Variants in RNF187 observed in about 807,000 individuals in gnomAD.
RNF187 encodes ring finger protein 187.
A neutral mutation model predicts 22.2 loss-of-function variants in RNF187; 18 were observed. The ratio of observed to expected loss-of-function variants is 0.81; its 90% CI spans 0.56 to 1.20. The LOEUF is 1.20. Among genes scored for constraint, RNF187 ranks in the 50% most tolerant of loss-of-function variants. The pLI is 0.00. For synonymous variants in RNF187, 164 were observed against 140.9 expected (o/e 1.16, Z -1.16); for missense variants, 329 against 317.6 (o/e 1.04, Z -0.27).
intron 2 of RNF187, among the ~76,000 whole-genome samples, chr1:228,489,757 G>A: frequency 1.2e-5 from 1 of 85,946 alleles, no homozygotes; most frequent in African/African-American, 5.2e-5. Context: ...GGTGGAAGAA[G>A]TGAGGGTGTC....
chr1:228,492,622 T>C, intron 2 of RNF187, among the ~76,000 whole-genome samples: 2 of 125,062 alleles, frequency 1.6e-5, no homozygotes, highest in Non-Finnish European at 3.2e-5. Context: ...GCCTGGCTTT[T>C]TTTTTTTTTT....
Position 228,494,960 on chromosome 1 carries a change from G to A in RNF187, c.*1075G>A. 1 of 985,568 alleles carries A rather than the reference G, an allele frequency of 1.0e-6. No homozygotes were observed. The highest frequency in any genetic ancestry group is 1.2e-6 in the Non-Finnish European group (1 of 830,020). The allele number at this position is 985,568 out of a possible 1,614,324, so 61.1% of individuals were successfully genotyped here. ...GCTGGCTCAATGCTGAATAAAGTGG[G>A]TTTGTGTCAGCTCGTTTGCTTCGTC... On this transcript the variant is annotated 3_prime_UTR_variant, in exon 4 of 4. Transcript: ENST00000305943.
rs370746984 is a variant in RNF187 at position 228,493,115 on chromosome 1, T to C, written c.546T>C (p.Phe182=). ...ACTACAAGAAGCTGCGGGCCTTCTT[T>C]GTGGAGGAGGAGGAGCATTTCCTGC... The change falls in exon 3 of 4, where the codon TTT becomes TTC. Residue 182 remains phenylalanine (F), a synonymous_variant. Coordinates refer to ENST00000305943, the MANE Select transcript of RNF187 (RefSeq NM_001010858.3). The surrounding 1 kb of genome is among the most constrained non-coding windows in gnomAD (Gnocchi z 4.7). 10 of 1,551,430 alleles carry C rather than the reference T, an allele frequency of 6.4e-6. No individual in the cohort carries two copies. The African/African-American group carries it at 6.8e-5, about 11-fold the overall frequency.
In RNF187 at chr1:228,495,770, T is replaced by G; in HGVS notation, c.*1885T>G. 1.0e-6 allele frequency: 1 copy of G among 976,338 alleles called. No individual in the cohort carries two copies. Among genetic ancestry groups the G allele is most frequent in the Non-Finnish European group, 1.2e-6 (1 of 821,630 alleles). The allele number at this position is 976,338 out of a possible 1,614,324, so 60.5% of individuals were successfully genotyped here. ...TATATATTTATGGGGCACAGTGTGA[T>G]GTTTTGATATCTATGTACATTGTGG... is the stretch of plus-strand genomic sequence containing the variant. On this transcript the variant is annotated 3_prime_UTR_variant, in exon 4 of 4. Coordinates refer to ENST00000305943, the MANE Select transcript of RNF187 (RefSeq NM_001010858.3).
Position 228,494,265 on chromosome 1 carries a change from T to G in RNF187, c.*380T>G. 5 of 1,199,406 alleles carry G rather than the reference T, an allele frequency of 4.2e-6. No homozygotes were observed. The highest frequency in any genetic ancestry group is 4.2e-6 in the Non-Finnish European group (4 of 955,082). 74.3% of individuals were successfully genotyped at this position (1,199,406 alleles called of 1,614,324 possible). A position where few individuals can be genotyped will look rare whatever the true frequency, so the allele number is the denominator to read the frequency against. ...CCTTCCATGTGGGCCCACAGATCCT[T>G]GGCAGGTACCTGAGGTGCACCATTG... is the stretch of plus-strand genomic sequence containing the variant. On this transcript the variant is annotated 3_prime_UTR_variant, in exon 4 of 4. Coordinates refer to ENST00000305943, the MANE Select transcript of RNF187 (RefSeq NM_001010858.3).
intron 1 of RNF187, 31 bp downstream of exon 1, chr1:228,487,909 C>G: frequency 4.3e-5 from 51 of 1,176,676 alleles, no homozygotes; most frequent in Admixed American, 1.4e-4. Flanking sequence ...TGCCCCACCC[C>G]GGACGGTGCC....
Position 228,495,413 on chromosome 1 carries a change from A to G in RNF187, c.*1528A>G. On this transcript the variant is annotated 3_prime_UTR_variant, in exon 4 of 4. Coordinates refer to ENST00000305943, the MANE Select transcript of RNF187 (RefSeq NM_001010858.3). Reference sequence around the variant, plus strand: ...AACTGGATTTCATAAGAAAGGGCAAAGAGGGCCCTAGGAGAAGATTCCAGA... The same window carrying G: ...AACTGGATTTCATAAGAAAGGGCAAGGAGGGCCCTAGGAGAAGATTCCAGA... The G allele has an allele frequency of 1.7e-5, 16 of 931,850 alleles. No individual in the cohort carries two copies. Among genetic ancestry groups the G allele is most frequent in the African/African-American group, 3.6e-5 (2 of 56,024 alleles). 57.7% of individuals were successfully genotyped at this position (931,850 alleles called of 1,614,324 possible). A position where few individuals can be genotyped will look rare whatever the true frequency, so the allele number is the denominator to read the frequency against.
At position 228,491,403 on chromosome 1, in the gene RNF187, A is replaced by AT; in HGVS notation, c.484-1650_484-1649insT. Among the ~76,000 whole-genome samples, 985 of 148,126 alleles carry AT rather than the reference A, an allele frequency of 6.6e-3. 5 individuals are homozygous for AT. Among genetic ancestry groups the AT allele is most frequent in the African/African-American group, 0.023 (921 of 40,670 alleles). ...GCCCTATCTCAAAAAAAAAAAAAAA[A>AT]AAAAAATAAAGGGAGATGGGTTAAT... On this transcript the variant is annotated intron_variant, in intron 2 of 3. Transcript: ENST00000305943.
intron 2 of RNF187, among the ~76,000 whole-genome samples, chr1:228,492,713 G>A: frequency 3.8e-5 from 5 of 131,556 alleles, no homozygotes; most frequent in African/African-American, 1.5e-4. Flanking sequence ...TGCAACCTCC[G>A]CCTCCTGGAT....
rs1658856550 is a variant in RNF187 at position 228,487,405 on chromosome 1, G to C, written c.-84G>C. The C allele has an allele frequency of 1.9e-6, 2 of 1,072,090 alleles. No homozygotes were observed. The highest frequency in any genetic ancestry group is 1.7e-5 in the African/African-American group (1 of 59,274). 66.4% of individuals were successfully genotyped at this position (1,072,090 alleles called of 1,614,324 possible). On this transcript the variant is annotated 5_prime_UTR_variant, in exon 1 of 4. Transcript: ENST00000305943. ...GCGTTGGCGTCTTCGTCCTGTTGCT[G>C]GTCTCCGTCCGGTCGCCGGCCGTCT...
chr1:228,495,661 CAG>C lies in RNF187; in HGVS notation c.*1777_*1778del. 1 of 985,648 alleles carries C rather than the reference CAG, an allele frequency of 1.0e-6. No individual in the cohort carries two copies. Among genetic ancestry groups the C allele is most frequent in the Non-Finnish European group, 1.2e-6 (1 of 829,950 alleles). The allele number at this position is 985,648 out of a possible 1,614,324, so 61.1% of individuals were successfully genotyped here. On this transcript the variant is annotated 3_prime_UTR_variant, in exon 4 of 4. Coordinates refer to ENST00000305943, the MANE Select transcript of RNF187 (RefSeq NM_001010858.3). ...AGTGTCTCCACATCACCAGGTCCGA[CAG>C]TGGCTTCACCATCCTCACCTAACCT...
chr1:228,492,069 A>G, intron 2 of RNF187, among the ~76,000 whole-genome samples: 4 of 151,924 alleles, frequency 2.6e-5, no homozygotes, highest in Non-Finnish European at 5.9e-5. Flanking sequence ...GATTTTTTTT[A>G]AAAAAGGCCT....
intron 2 of RNF187, among the ~76,000 whole-genome samples, chr1:228,492,060 A>G: frequency 2.6e-5 from 4 of 151,160 alleles, no homozygotes; most frequent in African/African-American, 9.7e-5. Flanking sequence ...CTGTTTTTTG[A>G]TTTTTTTTAA....
At position 228,493,818 on chromosome 1, in the gene RNF187, T is replaced by C; in HGVS notation, c.706-65T>C. On this transcript the variant is annotated intron_variant, in intron 3 of 3. Coordinates refer to ENST00000305943, the MANE Select transcript of RNF187 (RefSeq NM_001010858.3). The surrounding 1 kb of genome is among the most constrained non-coding windows in gnomAD (Gnocchi z 4.7). ...CTTTCGCTCTCTCCTTTTGCCTCTG[T>C]CTCTGACTCTGTGTGTCTCTTTCTC... is the stretch of plus-strand genomic sequence containing the variant. The C allele has an allele frequency of 2.0e-6, 3 of 1,518,164 alleles. No individual in the cohort carries two copies. Among genetic ancestry groups the C allele is most frequent in the Non-Finnish European group, 2.7e-6 (3 of 1,116,556 alleles). 94.0% of individuals were successfully genotyped at this position (1,518,164 alleles called of 1,614,324 possible). A position where few individuals can be genotyped will look rare whatever the true frequency, so the allele number is the denominator to read the frequency against.
At chr1:228,492,299 C>T in intron 2 of RNF187, among the ~76,000 whole-genome samples, 1 of 152,110 alleles carries the variant, frequency 6.6e-6, no homozygotes, top group Non-Finnish European at 1.5e-5. Context: ...ATCCTCCCAC[C>T]TCAGCCTCCC....
Position 228,494,906 on chromosome 1 carries a change from T to G in RNF187, c.*1021T>G. ...TGAGTCCCCGGCCCTTGGTGCGATG[T>G]CTGTGAGTTTGACCTGCCCAGCGTG... On this transcript the variant is annotated 3_prime_UTR_variant, in exon 4 of 4. Transcript: ENST00000305943. 1 of 985,420 alleles carries G rather than the reference T, an allele frequency of 1.0e-6. No homozygotes were observed. Among genetic ancestry groups the G allele is most frequent in the Non-Finnish European group, 1.2e-6 (1 of 829,974 alleles). The allele number at this position is 985,420 out of a possible 1,614,324, so 61.0% of individuals were successfully genotyped here. A position where few individuals can be genotyped will look rare whatever the true frequency, so the allele number is the denominator to read the frequency against.
At position 228,494,684 on chromosome 1, in the gene RNF187, A is replaced by T; in HGVS notation, c.*799A>T. The T allele has an allele frequency of 1.0e-6, 1 of 985,418 alleles. No homozygotes were observed. Among genetic ancestry groups the T allele is most frequent in the Non-Finnish European group, 1.2e-6 (1 of 830,060 alleles). 61.0% of individuals were successfully genotyped at this position (985,418 alleles called of 1,614,324 possible). On this transcript the variant is annotated 3_prime_UTR_variant, in exon 4 of 4. Coordinates refer to ENST00000305943, the MANE Select transcript of RNF187 (RefSeq NM_001010858.3). Reference sequence around the variant, plus strand: ...TTTCCCTCCTCCCATTTCCTTTAGTAGTTGAATTTTGCAAAGCTTGTAGCA... The same window carrying T: ...TTTCCCTCCTCCCATTTCCTTTAGTTGTTGAATTTTGCAAAGCTTGTAGCA...
chr1:228,492,543 A>G, intron 2 of RNF187, among the ~76,000 whole-genome samples: 1 of 140,702 alleles, frequency 7.1e-6, no homozygotes, highest in Non-Finnish European at 1.5e-5. Context: ...GATGGTCTTA[A>G]TCTCCGGACC....
In RNF187 at chr1:228,496,044, A is replaced by G; in HGVS notation, c.*2159A>G. On this transcript the variant is annotated 3_prime_UTR_variant, in exon 4 of 4. Coordinates refer to ENST00000305943, the MANE Select transcript of RNF187 (RefSeq NM_001010858.3). ...TACACGGTTATCAGCTGAAGTCACC[A>G]TGCTGTGCAATAGACCTTGAGTTTA... is the stretch of plus-strand genomic sequence containing the variant. Among the ~76,000 whole-genome samples, 1 of 152,216 alleles carries G rather than the reference A, an allele frequency of 6.6e-6. No individual in the cohort carries two copies. Among genetic ancestry groups the G allele is most frequent in the Non-Finnish European group, 1.5e-5 (1 of 68,032 alleles).
Sources: allele counts gnomAD v4.1 joint callset (sites outside exome capture counted in the v4.1 genomes callset), GRCh38; gene constraint gnomAD v4.1.1; non-coding constraint Gnocchi (gnomAD v3.1); transcripts MANE v1.5; gene names NCBI Gene and HGNC (gene_info 2026-07-23, HGNC 2026-07-21).